SFMBT1: variants seen among roughly 807,000 people sequenced by gnomAD.
SFMBT1 encodes scm-like with four MBT domains protein 1.
Under a neutral mutation model 108.7 loss-of-function variants are expected in SFMBT1, and 32 were observed. The ratio of observed to expected loss-of-function variants is 0.29; its 90% CI spans 0.22 to 0.40. The LOEUF (loss-of-function observed/expected upper bound fraction) is 0.40. Ranked by LOEUF, SFMBT1 falls within the 10% of genes least tolerant of loss-of-function variation. SFMBT1 has a pLI of 1.00. For missense variants in SFMBT1, 816 were observed against 1,059.6 expected (o/e 0.77, Z 3.19); for synonymous variants, 348 against 369.5 (o/e 0.94, Z 0.67).
chr3:53,009,639 G>A (rs948668967), intron 1 of SFMBT1, among the ~76,000 whole-genome samples: 6 of 152,144 alleles, frequency 3.9e-5, no homozygotes, highest in African/African-American at 9.6e-5. Flanking sequence ...CAACACAGGC[G>A]TCAGGATTAC....
At chr3:52,948,388 T>C (rs1703447741) in intron 3 of SFMBT1, among the ~76,000 whole-genome samples, 1 of 152,162 alleles carries the variant, frequency 6.6e-6, no homozygotes, top group Non-Finnish European at 1.5e-5. Context: ...TAGGTGTGTC[T>C]GGCTACCCTT....
intron 1 of SFMBT1, among the ~76,000 whole-genome samples, chr3:53,034,585 T>C (rs1300278303): frequency 6.6e-6 from 1 of 151,368 alleles, no homozygotes; most frequent in African/African-American, 2.4e-5. Context: ...AAAAAATAAA[T>C]AAATTAATTA....
At chr3:52,924,742 G>A (rs1272190786) in intron 10 of SFMBT1, among the ~76,000 whole-genome samples, 1 of 152,162 alleles carries the variant, frequency 6.6e-6, no homozygotes, top group Non-Finnish European at 1.5e-5. Context: ...ACAGAGAGTG[G>A]AGGTTGCTAA....
intron 2 of SFMBT1, among the ~76,000 whole-genome samples, chr3:52,955,399 C>A (rs1297727674): frequency 1.3e-5 from 2 of 150,914 alleles, no homozygotes; most frequent in Non-Finnish European, 3.0e-5. Context: ...GGTGACGGAG[C>A]GAGACTCTAT....
chr3:52,957,671 G>T (rs1295805335), intron 2 of SFMBT1, among the ~76,000 whole-genome samples: 1 of 152,170 alleles, frequency 6.6e-6, no homozygotes, highest in African/African-American at 2.4e-5. Flanking sequence ...ACAACCATCT[G>T]ATTTTCAACA....
At chr3:52,919,535 T>G (rs1575373096) in intron 12 of SFMBT1, among the ~76,000 whole-genome samples, 2 of 152,084 alleles carry the variant, frequency 1.3e-5, no homozygotes, top group African/African-American at 2.4e-5. Context: ...GAGTATAGGG[T>G]TTCTTTCTGA....
intron 12 of SFMBT1, among the ~76,000 whole-genome samples, chr3:52,919,116 T>G (rs1702443580): frequency 6.6e-6 from 1 of 152,138 alleles, no homozygotes; most frequent in South Asian, 2.1e-4. Context: ...TCCCACGGGT[T>G]GGGGACCCCT....
At chr3:52,938,964 G>A (rs1300140572) in intron 4 of SFMBT1, among the ~76,000 whole-genome samples, 2 of 152,148 alleles carry the variant, frequency 1.3e-5, no homozygotes, top group Admixed American at 1.3e-4. Context: ...ATAGCCTTTA[G>A]ATCTGAAGTT....
At position 53,000,154 on chromosome 3, in the gene SFMBT1, A is replaced by G. The variant is rs147201140; in HGVS notation, c.-130-30896T>C. The stretch of plus-strand genomic sequence containing the variant: ...TGGGATTACAGGCGTGAGCCACCGC[A>G]CCCAGCCTACTCTTACATTTTTTTA... On this transcript the variant is annotated intron_variant, in intron 1 of 20. Coordinates refer to ENST00000394752, the MANE Select transcript of SFMBT1 (RefSeq NM_016329.4). 3.3e-3 allele frequency among the ~76,000 whole-genome samples: 498 copies of G among 149,380 alleles called. 13 individuals are homozygous for G. The highest frequency in any genetic ancestry group is 0.011 in the African/African-American group (453 of 41,196).
chr3:53,007,752 T>G lies in SFMBT1; in HGVS notation c.-131+38064A>C, dbSNP rs1575435192. On this transcript the variant is annotated intron_variant, in intron 1 of 20. Coordinates refer to ENST00000394752, the MANE Select transcript of SFMBT1 (RefSeq NM_016329.4). ...AGTTAACATAATTTGGAAGTACTTATCCATAAAATACCAATTACAAATGGA... is the reference window on the plus strand; with the variant it reads ...AGTTAACATAATTTGGAAGTACTTAGCCATAAAATACCAATTACAAATGGA... Among the ~76,000 whole-genome samples, 3 of 152,174 alleles carry G rather than the reference T, an allele frequency of 2.0e-5. No individual in the cohort carries two copies. In the South Asian group the frequency reaches 6.2e-4, roughly 31 times the overall value.
At chr3:52,984,915 A>G (rs73087048) in intron 1 of SFMBT1, among the ~76,000 whole-genome samples, 3 of 152,230 alleles carry the variant, frequency 2.0e-5, no homozygotes, top group Non-Finnish European at 4.4e-5. Context: ...CAGGATATTG[A>G]GCACCTCCTC....
intron 1 of SFMBT1, among the ~76,000 whole-genome samples, chr3:52,992,955 A>G (rs1705189829): frequency 6.6e-6 from 1 of 152,144 alleles, no homozygotes; most frequent in African/African-American, 2.4e-5. Flanking sequence ...ACTGATCAGG[A>G]GTAGTTCTGG....
chr3:53,039,645 A>G (rs1699971602), intron 1 of SFMBT1, among the ~76,000 whole-genome samples: 1 of 152,170 alleles, frequency 6.6e-6, no homozygotes, highest in African/African-American at 2.4e-5. Flanking sequence ...ACTTACCACA[A>G]CCATACGTTT....
intron 1 of SFMBT1, among the ~76,000 whole-genome samples, chr3:53,036,739 A>G (rs17304995): frequency 0.19 from 29,333 of 152,220 alleles, 3,515 homozygotes; most frequent in Admixed American, 0.28. Context: ...AGGTTACAGA[A>G]GGCAAAGACA....
At chr3:52,952,912 TCTTA>T (rs1703643255) in intron 3 of SFMBT1, among the ~76,000 whole-genome samples, 4 of 152,154 alleles carry the variant, frequency 2.6e-5, no homozygotes, top group South Asian at 2.1e-4. Flanking sequence ...ACCACAGAAC[TCTTA>T]CTGTTTCTAC....
At chr3:52,918,398 G>T in intron 13 of SFMBT1, 86 bp downstream of exon 13, 2 of 1,069,784 alleles carry the variant, frequency 1.9e-6, no homozygotes, top group Non-Finnish European at 1.3e-6. Context: ...GCTTCCATCT[G>T]AGAAAATGAG....
chr3:52,958,199 C>G (rs1443012213), intron 2 of SFMBT1, among the ~76,000 whole-genome samples: 1 of 152,082 alleles, frequency 6.6e-6, no homozygotes, highest in Admixed American at 6.6e-5. Context: ...GGGCAACAAA[C>G]ATAAAAAAAA....
chr3:52,932,495 T>C (rs1050523638), intron 5 of SFMBT1, among the ~76,000 whole-genome samples, 187 bp from the exon 6 acceptor site: 2 of 152,240 alleles, frequency 1.3e-5, no homozygotes, highest in Non-Finnish European at 2.9e-5. Context: ...AAAATGTTTA[T>C]CTTAAAGAAA....
At chr3:53,042,639 A>G (rs1470352064) in intron 1 of SFMBT1, among the ~76,000 whole-genome samples, 1 of 152,246 alleles carries the variant, frequency 6.6e-6, no homozygotes, top group Admixed American at 6.5e-5. Flanking sequence ...CACTGTGCCT[A>G]GCCAGCAATC....
Sources: gnomAD v4.1 joint callset for allele counts (sites outside exome capture counted in the v4.1 genomes callset) on GRCh38, gnomAD v4.1.1 for gene constraint, MANE v1.5 for transcripts, NCBI Gene and HGNC (gene_info 2026-07-23, HGNC 2026-07-21) for gene names.